Variants in TRIM49 observed in about 807,000 individuals in gnomAD.
TRIM49 encodes tripartite motif-containing protein 49.
In TRIM49, 5 loss-of-function variants were observed where a neutral mutation model predicts 27.4. That is an observed-to-expected ratio of 0.18 (90% CI 0.10 to 0.38). TRIM49 has a LOEUF of 0.38. Ranked by LOEUF, TRIM49 falls within the 10% of genes least tolerant of loss-of-function variation. The pLI is 1.00. For synonymous variants in TRIM49, 69 were observed against 166.0 expected, an observed-to-expected ratio of 0.42 and a Z score of 4.49; for missense variants, 188 against 487.5, an observed-to-expected ratio of 0.39 and a Z score of 5.79.
At chr11:89,783,030 G>A in the TRIM49 span, among the ~76,000 whole-genome samples, 22 of 138,942 alleles carry the variant, frequency 1.6e-4, no homozygotes, top group African/African-American at 6.0e-4. Context: ...GTCTGACCAA[G>A]TTAAGTTGAC....
chr11:89,808,221 TA>T (rs74309200), intron 1 of TRIM49, among the ~76,000 whole-genome samples: 60,788 of 141,552 alleles, frequency 0.43, 11,430 homozygotes, highest in African/African-American at 0.63. Context: ...TTATTTTTTT[TA>T]AAAAAGAGAT....
At chr11:89,790,626 C>T in the TRIM49 span, among the ~76,000 whole-genome samples, 1 of 151,950 alleles carries the variant, frequency 6.6e-6, no homozygotes, top group African/African-American at 2.4e-5. Flanking sequence ...GCTGCTGATA[C>T]CCAGGCAAAC....
chr11:89,766,772 G>A, the TRIM49 span: 4 of 1,326,702 alleles, frequency 3.0e-6, no homozygotes, highest in Non-Finnish European at 4.2e-6. Flanking sequence ...TTGGGGAGGT[G>A]GTCAAGAGAC....
At chr11:89,766,765 G>C in the TRIM49 span, 1 of 1,388,400 alleles carries the variant, frequency 7.2e-7, no homozygotes, top group East Asian at 2.5e-5. Context: ...GGAAACATTG[G>C]GGAGGTGGTC....
At chr11:89,771,483 C>A in the TRIM49 span, among the ~76,000 whole-genome samples, 3 of 109,840 alleles carry the variant, frequency 2.7e-5, 1 homozygote, top group African/African-American at 1.2e-4. Context: ...AATGACTTAT[C>A]AATAATTAAG....
the TRIM49 span, among the ~76,000 whole-genome samples, chr11:89,785,249 T>TA: frequency 6.9e-6 from 1 of 144,062 alleles, no homozygotes; most frequent in Non-Finnish European, 1.5e-5. Flanking sequence ...AATAAATAAA[T>TA]AAATAAATAA....
the TRIM49 span, among the ~76,000 whole-genome samples, chr11:89,769,279 C>A: frequency 7.5e-6 from 1 of 133,178 alleles, no homozygotes; most frequent in Non-Finnish European, 1.5e-5. Flanking sequence ...ACTATCACTG[C>A]AACACTTTTA....
chr11:89,797,596 G>T (rs1285645793), downstream of TRIM49: 1 of 152,194 alleles, frequency 6.6e-6, no homozygotes, highest in African/African-American at 2.5e-5. Flanking sequence ...AATAATGAAG[G>T]ATTATTTATA....
chr11:89,774,013 TC>T, the TRIM49 span, among the ~76,000 whole-genome samples: 1 of 132,550 alleles, frequency 7.5e-6, no homozygotes, highest in Non-Finnish European at 1.5e-5. Context: ...TTTTTTTTTT[TC>T]TTTTGAGACA....
At chr11:89,772,112 G>A in the TRIM49 span, among the ~76,000 whole-genome samples, 2 of 133,794 alleles carry the variant, frequency 1.5e-5, 1 homozygote, top group African/African-American at 7.0e-5. Context: ...AAAATGATGA[G>A]GATGAAAACC....
chr11:89,790,510 G>C, the TRIM49 span, among the ~76,000 whole-genome samples: 1 of 152,000 alleles, frequency 6.6e-6, no homozygotes, highest in Non-Finnish European at 1.5e-5. Flanking sequence ...AGTAGGGGCA[G>C]ACTGACACCT....
At chr11:89,768,231 C>T in the TRIM49 span, 12 of 1,480,860 alleles carry the variant, frequency 8.1e-6, no homozygotes, top group Admixed American at 1.5e-4. Flanking sequence ...GTGATGGGCC[C>T]TGTAGGGAAC....
downstream of TRIM49, among the ~76,000 whole-genome samples, chr11:89,793,297 T>C (rs1949667602): frequency 6.6e-6 from 1 of 152,056 alleles, no homozygotes. Context: ...TGACTTCTAC[T>C]AGAGGTACAA....
At chr11:89,784,641 CTA>C in the TRIM49 span, among the ~76,000 whole-genome samples, 4 of 141,492 alleles carry the variant, frequency 2.8e-5, no homozygotes, top group African/African-American at 1.2e-4. Context: ...TGATTTTCTC[CTA>C]TGTTTTGTGA....
Position 89,798,255 on chromosome 11 carries a change from A to G in TRIM49, c.1234T>C (p.Phe412Leu), listed in dbSNP as rs1949704879. The change falls in exon 8 of 8, where the codon TTC (phenylalanine) becomes CTC (leucine). Residue 412 changes from phenylalanine to leucine, a missense_variant. Physicochemically the swap from Phe to Leu is conservative, Grantham distance 22. Transcript: ENST00000329758. Reference protein sequence around the residue: ...IPKPTSRVGLFLDCEAKTVSF... With the variant: ...IPKPTSRVGLLLDCEAKTVSF... ...ACAGTCTTAGCCTCACAATCCAGGAATAATCCTACTCGGCTGGTAGGTTTT... is the reference window on the plus strand; with the variant it reads ...ACAGTCTTAGCCTCACAATCCAGGAGTAATCCTACTCGGCTGGTAGGTTTT... 1 of 1,574,766 alleles carries G rather than the reference A, an allele frequency of 6.4e-7. No individual in the cohort carries two copies. The highest frequency in any genetic ancestry group is 1.8e-5 in the Admixed American group (1 of 55,732).
intron 6 of TRIM49, among the ~76,000 whole-genome samples, chr11:89,800,716 C>G (rs976147975): frequency 1.3e-4 from 20 of 150,410 alleles, no homozygotes; most frequent in Admixed American, 1.3e-4. Context: ...GCACTCCAGC[C>G]TGGGCGACAG....
downstream of TRIM49, among the ~76,000 whole-genome samples, chr11:89,797,418 T>C (rs1949699260): frequency 6.7e-6 from 1 of 149,358 alleles, no homozygotes; most frequent in Non-Finnish European, 1.5e-5. Flanking sequence ...GAAATCCTTA[T>C]GAGAATATTG....
At chr11:89,777,206 T>G in the TRIM49 span, 1 of 1,548,820 alleles carries the variant, frequency 6.5e-7, no homozygotes, top group South Asian at 1.2e-5. Flanking sequence ...CTGTCTTCCC[T>G]AGCCAGACAG....
chr11:89,798,385 A>G lies in TRIM49; in HGVS notation c.1104T>C (p.Asn368=). The G allele has an allele frequency of 6.2e-7, 1 of 1,600,250 alleles. No individual in the cohort carries two copies. Among genetic ancestry groups the G allele is most frequent in the Non-Finnish European group, 8.5e-7 (1 of 1,176,844 alleles). ...CNMYRKEKNQ[N]EKIDGKAGLF... ...GTCCCGCCTTTCCATCTATCTTCTCATTCTGATTCTTCTCTTTCCGATACA... is the reference window on the plus strand; with the variant it reads ...GTCCCGCCTTTCCATCTATCTTCTCGTTCTGATTCTTCTCTTTCCGATACA... The change falls in exon 8 of 8, where the codon AAT becomes AAC. Residue 368 remains asparagine (N), a synonymous_variant. Transcript: ENST00000329758.
Sources: gnomAD v4.1 joint callset for allele counts (sites outside exome capture counted in the v4.1 genomes callset) on GRCh38, gnomAD v4.1.1 for gene constraint, MANE v1.5 for transcripts, NCBI Gene and HGNC (gene_info 2026-07-23, HGNC 2026-07-21) for gene names.